Variants in SUMF1 observed in about 807,000 individuals in gnomAD.
SUMF1 encodes formylglycine-generating enzyme.
In SUMF1, 48 loss-of-function variants were observed where a neutral mutation model predicts 47.6. That is an observed-to-expected ratio of 1.01 (90% confidence interval 0.80 to 1.28). The LOEUF (loss-of-function observed/expected upper bound fraction) is 1.28. SUMF1 is among the 50% of genes most tolerant of loss of function. The probability of loss-of-function intolerance (pLI) is 0.00; values close to 1 mark genes in which losing one functional copy is unlikely to be tolerated. For synonymous variants in SUMF1, 230 were observed against 192.1 expected, an observed-to-expected ratio of 1.20 and a Z score of -1.63; for missense variants, 571 against 485.4, an observed-to-expected ratio of 1.18 and a Z score of -1.66.
chr3:4,174,855 T>C (rs758958973), intron 8 of SUMF1, among the ~76,000 whole-genome samples: 4 of 152,180 alleles, frequency 2.6e-5, no homozygotes, highest in Non-Finnish European at 2.9e-5. Context: ...CCCAAGGTCT[T>C]AGCAACCAGC....
intron 8 of SUMF1, among the ~76,000 whole-genome samples, chr3:4,174,152 C>T (rs535057484): frequency 6.6e-5 from 10 of 151,758 alleles, no homozygotes; most frequent in Admixed American, 3.9e-4. Context: ...GTCAGGAGAT[C>T]GAGAGCATCC....
At chr3:4,153,444 G>A (rs977574043) in intron 8 of SUMF1, among the ~76,000 whole-genome samples, 6 of 149,914 alleles carry the variant, frequency 4.0e-5, no homozygotes, top group African/African-American at 1.2e-4. Flanking sequence ...TTGAATGCCT[G>A]GCCTCAAGCA....
At position 4,131,220 on chromosome 3, in the gene SUMF1, T is replaced by A. The variant is rs138166253; in HGVS notation, c.1015-62475A>T. The stretch of plus-strand genomic sequence containing the variant: ...TGCGCAGTAACTTTCCATCATCAAA[T>A]GGAAGTGGTATATTCATGACTGGGC... On this transcript the variant is annotated intron_variant and NMD_transcript_variant, in intron 8 of 12. Coordinates refer to the SUMF1 transcript ENST00000448413. Among the ~76,000 whole-genome samples, 843 of 152,218 alleles carry A rather than the reference T, an allele frequency of 5.5e-3. 7 individuals carry two copies. The highest frequency in any genetic ancestry group is 8.6e-3 in the Non-Finnish European group (583 of 67,998).
chr3:4,150,001 G>C lies in SUMF1; in HGVS notation c.1015-81256C>G, dbSNP rs118191303. ...GGAGATTTGGTTTACTGATTTATAG[G>C]TTTAAATATGAAAAACAAAGTTTAG... On this transcript the variant is annotated intron_variant and NMD_transcript_variant, in intron 8 of 12. Transcript: ENST00000448413. 1.7e-4 allele frequency among the ~76,000 whole-genome samples: 26 copies of C among 152,196 alleles called. No homozygotes were observed. The East Asian group carries it at 4.4e-3, about 26-fold the overall frequency.
chr3:4,441,072 C>T (rs1015956665), intron 3 of SUMF1, among the ~76,000 whole-genome samples: 2 of 152,126 alleles, frequency 1.3e-5, no homozygotes, highest in African/African-American at 4.8e-5. Flanking sequence ...TATTGGGAAC[C>T]GGGCCAAACA....
chr3:4,086,415 A>G (rs1282585381), intron 8 of SUMF1, among the ~76,000 whole-genome samples: 3 of 152,036 alleles, frequency 2.0e-5, no homozygotes, highest in African/African-American at 4.8e-5. Context: ...GTTAGATAAT[A>G]TTTACAATAT....
At chr3:4,375,371 A>G (rs1700296089) in intron 8 of SUMF1, among the ~76,000 whole-genome samples, 1 of 152,248 alleles carries the variant, frequency 6.6e-6, no homozygotes, top group Middle Eastern at 3.4e-3. Flanking sequence ...GTATGTTTTC[A>G]TCACCTGGAG....
At chr3:4,297,564 A>ATTTTTTTTTTTTTTTT in intron 8 of SUMF1, among the ~76,000 whole-genome samples, 1 of 113,878 alleles carries the variant, frequency 8.8e-6, no homozygotes, top group Non-Finnish European at 1.7e-5. Flanking sequence ...CTACACCTGA[A>ATTTTTTTTTTTTTTTT]TTTTTTTTTT....
At chr3:4,363,515 C>G (rs1369175810) in intron 8 of SUMF1, among the ~76,000 whole-genome samples, 2 of 151,502 alleles carry the variant, frequency 1.3e-5, no homozygotes, top group African/African-American at 4.9e-5. Context: ...CATGATTTGG[C>G]TCTCTGTTTG....
chr3:4,141,949 C>T (rs944780153), intron 8 of SUMF1, among the ~76,000 whole-genome samples: 1 of 152,068 alleles, frequency 6.6e-6, no homozygotes, highest in African/African-American at 2.4e-5. Flanking sequence ...TCAAGCAAGA[C>T]CAGAGAATAA....
In SUMF1 at chr3:4,410,939, T is replaced by G; in HGVS notation, c.880A>C (p.Ile294Leu). 1 of 1,614,084 alleles carries G rather than the reference T, an allele frequency of 6.2e-7. No homozygotes were observed. Among genetic ancestry groups the G allele is most frequent in the Non-Finnish European group, 8.5e-7 (1 of 1,179,942 alleles). Residue 294 changes from isoleucine to leucine, a missense_variant, in exon 7 of 9, where the codon ATA becomes CTA. Ile to Leu is a conservative substitution (Grantham distance 5). Coordinates refer to ENST00000272902, the MANE Select transcript of SUMF1 (RefSeq NM_182760.4). ...FPPNGYGLYN[I>L]VGNAWEWTSD... The stretch of plus-strand genomic sequence containing the variant: ...GTCCATTCCCATGCGTTCCCCACTA[T>G]GTTGTATAAGCCATAACCATTGGGA...
At chr3:4,197,918 T>C (rs1183876659) in intron 8 of SUMF1, among the ~76,000 whole-genome samples, 1 of 152,190 alleles carries the variant, frequency 6.6e-6, no homozygotes, top group Middle Eastern at 3.4e-3. Context: ...TCTGAAAATA[T>C]CAGCCTCTGA....
At chr3:4,442,207 C>T (rs947361117) in intron 3 of SUMF1, among the ~76,000 whole-genome samples, 1 of 152,040 alleles carries the variant, frequency 6.6e-6, no homozygotes, top group African/African-American at 2.4e-5. Flanking sequence ...GTTTAAGGGG[C>T]CCATGGTAAG....
At chr3:4,274,421 C>T (rs1697372128) in intron 8 of SUMF1, among the ~76,000 whole-genome samples, 1 of 152,106 alleles carries the variant, frequency 6.6e-6, no homozygotes, top group Admixed American at 6.6e-5. Context: ...TATTATGTCA[C>T]TTAGTCTAAC....
intron 8 of SUMF1, among the ~76,000 whole-genome samples, chr3:4,262,021 C>T (rs896611186): frequency 2.6e-5 from 4 of 152,068 alleles, no homozygotes; most frequent in African/African-American, 9.7e-5. Context: ...AGGTCTGGCC[C>T]TCTTCTTTTC....
chr3:4,466,849 C>CAGGT, intron 1 of SUMF1, 127 bp downstream of exon 1: 1 of 1,380,622 alleles, frequency 7.2e-7, no homozygotes, highest in Non-Finnish European at 9.8e-7. Context: ...ACGGGAACAG[C>CAGGT]AGGTGCTCGA....
chr3:4,215,084 GAC>G (rs1695889175), intron 8 of SUMF1, among the ~76,000 whole-genome samples: 3 of 152,088 alleles, frequency 2.0e-5, no homozygotes, highest in Admixed American at 2.0e-4. Context: ...ATCTGGCAGA[GAC>G]ACAACAAAAA....
chr3:4,462,222 C>T (rs1255868323), intron 1 of SUMF1, among the ~76,000 whole-genome samples: 5 of 152,190 alleles, frequency 3.3e-5, no homozygotes, highest in South Asian at 4.1e-4. Context: ...GCCTGGCCAA[C>T]CATAGCATTC....
chr3:4,203,875 C>A (rs1181274899), intron 8 of SUMF1, among the ~76,000 whole-genome samples: 1 of 151,784 alleles, frequency 6.6e-6, no homozygotes, highest in Non-Finnish European at 1.5e-5. Context: ...AAAAAAAACT[C>A]ACAATTTAAT....
Sources: allele counts gnomAD v4.1 joint callset (sites outside exome capture counted in the v4.1 genomes callset), GRCh38; gene constraint gnomAD v4.1.1; transcripts MANE v1.5; gene names NCBI Gene and HGNC (gene_info 2026-07-23, HGNC 2026-07-21).